Variants in PTPRZ1 observed in about 807,000 individuals in gnomAD.
PTPRZ1 encodes the protein receptor-type tyrosine-protein phosphatase zeta.
Under a neutral mutation model 214.1 loss-of-function variants are expected in PTPRZ1, and 82 were observed. That is an observed-to-expected ratio of 0.38 (90% CI 0.32 to 0.46). The LOEUF (loss-of-function observed/expected upper bound fraction) is 0.46, where lower values mean the gene tolerates loss of function less well. Among genes scored for constraint, PTPRZ1 ranks in the 20% least tolerant of loss-of-function variants. The probability of loss-of-function intolerance (pLI) is 1.00; values close to 1 mark genes in which losing one functional copy is unlikely to be tolerated. For synonymous variants in PTPRZ1, 945 were observed against 987.9 expected, an observed-to-expected ratio of 0.96 and a Z score of 0.81; for missense variants, 2,603 against 2,748.7, an observed-to-expected ratio of 0.95 and a Z score of 1.19.
At chr7:121,924,745 C>T (rs1392776583) in intron 1 of PTPRZ1, among the ~76,000 whole-genome samples, 1 of 152,066 alleles carries the variant, frequency 6.6e-6, no homozygotes, top group Non-Finnish European at 1.5e-5. Flanking sequence ...CCTGAAGTCA[C>T]CACAATGCAT....
At chr7:121,934,309 T>G (rs2116395481) in intron 2 of PTPRZ1, among the ~76,000 whole-genome samples, 1 of 152,008 alleles carries the variant, frequency 6.6e-6, no homozygotes, top group Middle Eastern at 3.4e-3. Flanking sequence ...TGGCTGAATC[T>G]CAGTGAGAGG....
chr7:121,955,948 T>C (rs2116471468), intron 2 of PTPRZ1, among the ~76,000 whole-genome samples: 1 of 152,306 alleles, frequency 6.6e-6, no homozygotes, highest in East Asian at 1.9e-4. Flanking sequence ...CATCTTATAA[T>C]TTAAAGTGAA....
intron 1 of PTPRZ1, among the ~76,000 whole-genome samples, chr7:121,892,484 A>T (rs2116221160): frequency 6.6e-6 from 1 of 152,084 alleles, no homozygotes; most frequent in South Asian, 2.1e-4. Context: ...AACTCTGACT[A>T]GTTGAGGTAT....
intron 22 of PTPRZ1, among the ~76,000 whole-genome samples, chr7:122,043,989 T>TTAAC (rs1344368768): frequency 3.3e-5 from 5 of 152,208 alleles, no homozygotes; most frequent in African/African-American, 1.2e-4. Flanking sequence ...CAGAGAACTA[T>TTAAC]TAACTATATA....
At chr7:121,981,848 T>G (rs2116562364) in intron 6 of PTPRZ1, among the ~76,000 whole-genome samples, 1 of 152,264 alleles carries the variant, frequency 6.6e-6, no homozygotes, top group Admixed American at 6.5e-5. Flanking sequence ...TTTTCCACTC[T>G]TTGGCTTTCC....
At chr7:121,913,874 A>G (rs1230997215) in intron 1 of PTPRZ1, among the ~76,000 whole-genome samples, 1 of 152,248 alleles carries the variant, frequency 6.6e-6, no homozygotes, top group Non-Finnish European at 1.5e-5. Flanking sequence ...AAAATCATTA[A>G]TAAAGTTCAG....
At chr7:121,884,615 G>A (rs1794343984) in intron 1 of PTPRZ1, among the ~76,000 whole-genome samples, 2 of 152,140 alleles carry the variant, frequency 1.3e-5, no homozygotes, top group Admixed American at 6.5e-5. Flanking sequence ...TTTGGGCCCA[G>A]TTAGAGCAGT....
intron 1 of PTPRZ1, among the ~76,000 whole-genome samples, chr7:121,888,105 A>G (rs1208714507): frequency 6.6e-6 from 1 of 152,046 alleles, no homozygotes; most frequent in Non-Finnish European, 1.5e-5. Flanking sequence ...GTAGAGGAAA[A>G]CCTATTTTCC....
intron 8 of PTPRZ1, among the ~76,000 whole-genome samples, chr7:121,987,047 G>A (rs1035528129): frequency 4.6e-5 from 7 of 152,086 alleles, no homozygotes; most frequent in African/African-American, 1.2e-4. Context: ...AGTGTTATCC[G>A]CTTATATTGT....
intron 16 of PTPRZ1, 68 bp downstream of exon 16, chr7:122,034,183 T>G: frequency 6.4e-7 from 1 of 1,564,606 alleles, no homozygotes; most frequent in Non-Finnish European, 8.8e-7. Flanking sequence ...AAATTTCATT[T>G]GATAGATTAT....
chr7:121,939,879 T>A (rs1279645265), intron 2 of PTPRZ1, among the ~76,000 whole-genome samples: 1 of 152,108 alleles, frequency 6.6e-6, no homozygotes, highest in Non-Finnish European at 1.5e-5. Flanking sequence ...GAACCCTAAT[T>A]GGCCTAAGAG....
At chr7:122,025,293 T>G (rs192584383) in intron 13 of PTPRZ1, among the ~76,000 whole-genome samples, 126 of 152,002 alleles carry the variant, frequency 8.3e-4, no homozygotes, top group Non-Finnish European at 1.5e-3. Flanking sequence ...TTAGATTGAT[T>G]AGGTGTATTT....
In PTPRZ1 at chr7:122,010,952, T is replaced by C; in HGVS notation, c.1906T>C (p.Ser636Pro). Residue 636 changes from serine (S) to proline (P), a missense_variant, in exon 12 of 30, where the codon TCA becomes CCA. This residue lies in a region of PTPRZ1 where 1,913 missense variants were observed against 1,914.3 expected (regional missense o/e 1.00). Transcript: ENST00000393386. Reference protein sequence around the residue: ...SARNASEDSTSSGSEESLKDP... With the variant: ...SARNASEDSTPSGSEESLKDP... The stretch of plus-strand genomic sequence containing the variant: ...TAGAAATGCTTCCGAAGATTCAACT[T>C]CATCAGGTTCAGAAGAATCACTAAA... The C allele has an allele frequency of 3.7e-6, 6 of 1,614,124 alleles. No homozygotes were observed. Among genetic ancestry groups the C allele is most frequent in the Non-Finnish European group, 5.1e-6 (6 of 1,180,014 alleles).
chr7:122,035,545 G>A (rs967342274), intron 17 of PTPRZ1, among the ~76,000 whole-genome samples: 1 of 152,114 alleles, frequency 6.6e-6, no homozygotes, highest in Non-Finnish European at 1.5e-5. Flanking sequence ...AAACAACCAG[G>A]CAAGATAGGA....
intron 10 of PTPRZ1, among the ~76,000 whole-genome samples, chr7:122,003,774 T>A (rs1798394230): frequency 6.6e-6 from 1 of 152,150 alleles, no homozygotes; most frequent in Non-Finnish European, 1.5e-5. Context: ...AAAGAAAAAT[T>A]CTCTGGCCGC....
At chr7:121,979,404 T>G (rs1048302262) in intron 6 of PTPRZ1, among the ~76,000 whole-genome samples, 1 of 152,206 alleles carries the variant, frequency 6.6e-6, no homozygotes, top group African/African-American at 2.4e-5. Flanking sequence ...TCATCAGTGA[T>G]TATCTGATGG....
At chr7:121,991,643 A>C (rs1290816103) in intron 8 of PTPRZ1, among the ~76,000 whole-genome samples, 2 of 152,222 alleles carry the variant, frequency 1.3e-5, no homozygotes, top group South Asian at 2.1e-4. Context: ...ATGTTTTAAA[A>C]AGTGAAATGA....
intron 1 of PTPRZ1, among the ~76,000 whole-genome samples, chr7:121,881,631 C>A (rs949789017): frequency 6.6e-6 from 1 of 152,184 alleles, no homozygotes; most frequent in African/African-American, 2.4e-5. Context: ...TGGAAATTTT[C>A]CCTTCTCTCT....
chr7:121,976,388 G>A, intron 5 of PTPRZ1, 120 bp downstream of exon 5: 1 of 632,312 alleles, frequency 1.6e-6, no homozygotes, highest in East Asian at 2.9e-5. Context: ...ATTAAAACTG[G>A]TGGTCATTTT....
Sources: gnomAD v4.1 joint callset for allele counts (sites outside exome capture counted in the v4.1 genomes callset) on GRCh38, gnomAD v4.1.1 for gene constraint, gnomAD v4.1.1 regional missense constraint, MANE v1.5 for transcripts, NCBI Gene and HGNC (gene_info 2026-07-23, HGNC 2026-07-21) for gene names.